Variants in AHRR observed in about 807,000 individuals in gnomAD.
The protein encoded by AHRR is ahR repressor.
AHRR carries 28 observed loss-of-function variants against 44.0 expected under a neutral mutation model. The observed-to-expected ratio is 0.64, with a 90% CI of 0.47 to 0.87. The LOEUF (loss-of-function observed/expected upper bound fraction) is 0.87. Ranked by LOEUF, AHRR falls within the 40% of genes least tolerant of loss-of-function variation. The probability of loss-of-function intolerance (pLI) is 0.00; values close to 1 mark genes in which losing one functional copy is unlikely to be tolerated. For synonymous variants in AHRR, 434 were observed against 407.0 expected (o/e 1.07, Z -0.80); for missense variants, 990 against 953.9 (o/e 1.04, Z -0.50).
At position 388,203 on chromosome 5, in the gene AHRR, C is replaced by T. The variant is rs776462318; in HGVS notation, c.351+11487C>T. On this transcript the variant is annotated intron_variant, in intron 4 of 10. Transcript: ENST00000684583. The surrounding 1 kb of genome is among the most constrained non-coding windows in gnomAD (Gnocchi z 5.2). ...CACTGTGCTTACCTCACAGCTCTAT[C>T]GTACCAGACAGGGGAAAGCTCAGGT... Among the ~76,000 whole-genome samples, 2 of 152,186 alleles carry T rather than the reference C, an allele frequency of 1.3e-5. No homozygotes were observed. Among genetic ancestry groups the T allele is most frequent in the Admixed American group, 6.5e-5 (1 of 15,292 alleles).
intron 3 of AHRR, among the ~76,000 whole-genome samples, chr5:372,285 C>A (rs1743605238): frequency 6.6e-6 from 1 of 152,122 alleles, no homozygotes; most frequent in South Asian, 2.1e-4. Context: ...TGGGCTGGGG[C>A]CTCATGGAGG....
At chr5:423,134 C>G (rs1034246421) in intron 6 of AHRR, among the ~76,000 whole-genome samples, 2 of 152,176 alleles carry the variant, frequency 1.3e-5, no homozygotes, top group African/African-American at 2.4e-5. Flanking sequence ...CTTGTCACCT[C>G]ACCACGAGCT....
chr5:409,557 G>C (rs1156441402), intron 4 of AHRR, among the ~76,000 whole-genome samples: 1 of 152,192 alleles, frequency 6.6e-6, no homozygotes, highest in Non-Finnish European at 1.5e-5. Flanking sequence ...CATCCCTGAT[G>C]GCTAAGGATG....
In AHRR at chr5:422,861, G is replaced by T. The variant is rs1736197922; in HGVS notation, c.571+3G>T. ...GCAGCCCCCGCCCTTGGAGACAGGTGGGTGTCTGGGGTCCAAGTGAGTCAG... is the reference window on the plus strand; with the variant it reads ...GCAGCCCCCGCCCTTGGAGACAGGTTGGTGTCTGGGGTCCAAGTGAGTCAG... On this transcript the variant is annotated splice_donor_region_variant and intron_variant, in intron 6 of 10. Transcript: ENST00000684583. 1.2e-6 allele frequency: 2 copies of T among 1,608,114 alleles called. No homozygotes were observed. The highest frequency in any genetic ancestry group is 1.7e-6 in the Non-Finnish European group (2 of 1,176,582).
chr5:323,892 G>A (rs1187582595), intron 1 of AHRR, among the ~76,000 whole-genome samples: 2 of 152,134 alleles, frequency 1.3e-5, no homozygotes, highest in African/African-American at 4.8e-5. Context: ...GGAATGAACA[G>A]GCCGATCTGC....
At chr5:381,172 C>G (rs907475002) in intron 4 of AHRR, among the ~76,000 whole-genome samples, 5 of 152,256 alleles carry the variant, frequency 3.3e-5, no homozygotes, top group African/African-American at 9.6e-5. Context: ...CACATTAAGG[C>G]TGATTCTTCC....
intron 4 of AHRR, among the ~76,000 whole-genome samples, chr5:378,381 G>A (rs1733835263): frequency 6.6e-6 from 1 of 152,228 alleles, no homozygotes; most frequent in Non-Finnish European, 1.5e-5. Flanking sequence ...GAGCCACCAG[G>A]TGCCCTTTGG....
intron 4 of AHRR, among the ~76,000 whole-genome samples, chr5:400,554 C>A (rs2561673): frequency 6.6e-6 from 1 of 151,572 alleles, no homozygotes; most frequent in Admixed American, 6.6e-5. Flanking sequence ...CCATGGACCA[C>A]GTTTAAAAAA....
intron 4 of AHRR, among the ~76,000 whole-genome samples, chr5:403,497 G>A (rs1224054161): frequency 3.3e-5 from 5 of 152,068 alleles, no homozygotes; most frequent in Admixed American, 3.3e-4. Context: ...TTAGCTGGGT[G>A]TGGTGGCGCA....
At chr5:351,278 A>G (rs1350576521) in intron 2 of AHRR, among the ~76,000 whole-genome samples, 2 of 152,236 alleles carry the variant, frequency 1.3e-5, no homozygotes, top group Non-Finnish European at 2.9e-5. Flanking sequence ...TTGAAAGTAT[A>G]TATTCAAACA....
chr5:359,647 C>T (rs1229645208), intron 3 of AHRR, among the ~76,000 whole-genome samples: 3 of 152,228 alleles, frequency 2.0e-5, no homozygotes, highest in Non-Finnish European at 1.5e-5. Context: ...GCAGCAGCAT[C>T]GGAGTCCTCT....
At chr5:393,338 C>A (rs1734556916) in intron 4 of AHRR, among the ~76,000 whole-genome samples, 1 of 152,250 alleles carries the variant, frequency 6.6e-6, no homozygotes, top group Non-Finnish European at 1.5e-5. Context: ...TCTCATCCAG[C>A]CCAGGGCACC....
intron 5 of AHRR, among the ~76,000 whole-genome samples, chr5:420,158 G>T (rs564766012): frequency 6.6e-6 from 1 of 152,376 alleles, no homozygotes; most frequent in South Asian, 2.1e-4. Flanking sequence ...AGGGGGTTTT[G>T]ATTGCGAAAT....
chr5:324,408 C>A (rs1028001447), intron 1 of AHRR, among the ~76,000 whole-genome samples: 1 of 151,178 alleles, frequency 6.6e-6, no homozygotes, highest in Non-Finnish European at 1.5e-5. Flanking sequence ...GCCAAAGGTG[C>A]TTCCACTTGG....
chr5:427,200 C>T (rs1022428197), intron 7 of AHRR, among the ~76,000 whole-genome samples: 1 of 152,172 alleles, frequency 6.6e-6, no homozygotes, highest in Non-Finnish European at 1.5e-5. Context: ...CCCCTGAAGG[C>T]CCTTGGTAAA....
intron 4 of AHRR, among the ~76,000 whole-genome samples, chr5:394,884 A>G (rs562100169): frequency 6.6e-6 from 1 of 152,094 alleles, no homozygotes; most frequent in African/African-American, 2.4e-5. Flanking sequence ...AGTCCTCCCC[A>G]GCCTGGGGGT....
intron 3 of AHRR, among the ~76,000 whole-genome samples, chr5:368,909 A>C (rs1484535339): frequency 6.6e-6 from 1 of 152,214 alleles, no homozygotes; most frequent in Non-Finnish European, 1.5e-5. Context: ...TTTTTGAAAA[A>C]TCGGGAAATT....
rs1491128479 is a variant in AHRR at position 345,571 on chromosome 5, G to GGT, written c.62+1615_62+1616dup. 5.8e-5 allele frequency among the ~76,000 whole-genome samples: 8 copies of GGT among 137,406 alleles called. No homozygotes were observed. In the South Asian group the frequency reaches 7.4e-4, roughly 13 times the overall value. 90.1% of individuals were successfully genotyped at this position (137,406 alleles called of 152,430 possible). A position where few individuals can be genotyped will look rare whatever the true frequency, so the allele number is the denominator to read the frequency against. ...GGGGATGTGTGTGTGGGGATGTGTG[G>GGT]GTGTGTGTGGGTGTGTGGGGGTGTG... On this transcript the variant is annotated intron_variant, in intron 2 of 10. Transcript: ENST00000684583.
chr5:377,731 T>C (rs750964387), intron 4 of AHRR, among the ~76,000 whole-genome samples: 1 of 152,154 alleles, frequency 6.6e-6, no homozygotes, highest in Non-Finnish European at 1.5e-5. Context: ...GGGTCCCAGC[T>C]CCTGGGGCCT....
Sources: allele counts gnomAD v4.1 joint callset (sites outside exome capture counted in the v4.1 genomes callset), GRCh38; gene constraint gnomAD v4.1.1; non-coding constraint Gnocchi (gnomAD v3.1); transcripts MANE v1.5; gene names NCBI Gene and HGNC (gene_info 2026-07-23, HGNC 2026-07-21).